Variants in GNG12 observed in about 807,000 individuals in gnomAD.
GNG12 encodes the protein G protein subunit gamma 12.
For missense variants in GNG12, 69 were observed against 83.8 expected, an observed-to-expected ratio of 0.82 and a Z score of 0.69; for synonymous variants, 28 against 29.7, an observed-to-expected ratio of 0.94 and a Z score of 0.19.
intron 1 of GNG12, among the ~76,000 whole-genome samples, chr1:67,807,672 G>A (rs926472430): frequency 2.0e-5 from 3 of 151,562 alleles, no homozygotes; most frequent in Non-Finnish European, 4.4e-5. Flanking sequence ...GGCTAATAAG[G>A]GAATAAATGC....
chr1:67,757,114 C>A (rs932032413), intron 2 of GNG12, among the ~76,000 whole-genome samples: 4 of 152,162 alleles, frequency 2.6e-5, no homozygotes, highest in Non-Finnish European at 5.9e-5. Context: ...AATGAGATAT[C>A]TTGGGGATAA....
At chr1:67,707,785 T>C in intron 2 of GNG12, 73 bp from the exon 3 acceptor site, 4 of 730,112 alleles carry the variant, frequency 5.5e-6, no homozygotes, top group Non-Finnish European at 9.0e-6. Flanking sequence ...TAATATGTTC[T>C]ACTTAAAGGG....
chr1:67,810,792 T>C (rs1394362365), intron 1 of GNG12, among the ~76,000 whole-genome samples: 1 of 152,174 alleles, frequency 6.6e-6, no homozygotes, highest in African/African-American at 2.4e-5. Flanking sequence ...TAACTCCAGT[T>C]CTGTGATGAC....
chr1:67,814,696 A>G (rs551103314), intron 1 of GNG12, among the ~76,000 whole-genome samples: 1 of 152,200 alleles, frequency 6.6e-6, no homozygotes, highest in Non-Finnish European at 1.5e-5. Flanking sequence ...TATCAGGACA[A>G]TCTTCTGTGG....
chr1:67,760,566 C>T (rs990917232), intron 2 of GNG12, among the ~76,000 whole-genome samples: 2 of 152,036 alleles, frequency 1.3e-5, no homozygotes, highest in Non-Finnish European at 1.5e-5. Context: ...GTGTTCAAGG[C>T]AAAGAAACCA....
intron 2 of GNG12, among the ~76,000 whole-genome samples, chr1:67,727,640 G>C (rs975677682): frequency 6.6e-6 from 1 of 152,178 alleles, no homozygotes; most frequent in Non-Finnish European, 1.5e-5. Context: ...GTCCCATGTA[G>C]ATGCTGCCAC....
At chr1:67,712,227 TG>T (rs1646299523) in intron 2 of GNG12, among the ~76,000 whole-genome samples, 1 of 152,232 alleles carries the variant, frequency 6.6e-6, no homozygotes, top group African/African-American at 2.4e-5. Context: ...ATAAAAAGCT[TG>T]CTTTATTCTT....
intron 2 of GNG12, among the ~76,000 whole-genome samples, chr1:67,724,405 A>T (rs1338458934): frequency 6.6e-6 from 1 of 152,194 alleles, no homozygotes; most frequent in Non-Finnish European, 1.5e-5. Context: ...CCATTCGTTC[A>T]TTCGAGACGA....
intron 2 of GNG12, among the ~76,000 whole-genome samples, chr1:67,775,132 CAATT>C (rs1167614144): frequency 6.6e-6 from 1 of 152,198 alleles, no homozygotes; most frequent in Non-Finnish European, 1.5e-5. Context: ...GATCCACAAT[CAATT>C]AATCCATTTT....
At chr1:67,755,462 G>T (rs986217780) in intron 2 of GNG12, among the ~76,000 whole-genome samples, 1 of 152,128 alleles carries the variant, frequency 6.6e-6, no homozygotes, top group Admixed American at 6.5e-5. Flanking sequence ...ATAGATCCTT[G>T]TATCTCCCAG....
intron 1 of GNG12, among the ~76,000 whole-genome samples, chr1:67,829,460 T>A (rs971079118): frequency 6.6e-6 from 1 of 152,242 alleles, no homozygotes; most frequent in East Asian, 1.9e-4. Context: ...GAGCTTTTTT[T>A]AGATTTGGGG....
At chr1:67,825,520 A>G (rs1177959827) in intron 1 of GNG12, among the ~76,000 whole-genome samples, 2 of 152,216 alleles carry the variant, frequency 1.3e-5, no homozygotes, top group African/African-American at 2.4e-5. Context: ...TAAAGGATCA[A>G]CTTAAAAAAG....
At position 67,800,459 on chromosome 1, in the gene GNG12, A is replaced by T. The variant is rs142902597; in HGVS notation, c.-76-22952T>A. Among the ~76,000 whole-genome samples, 828 of 152,310 alleles carry T rather than the reference A, an allele frequency of 5.4e-3. 4 individuals are homozygous for T. The highest frequency in any genetic ancestry group is 0.019 in the African/African-American group (802 of 41,562). On this transcript the variant is annotated intron_variant, in intron 1 of 3. Transcript: ENST00000370982. ...CAAATATCCAAGTCTGAATAATCAG[A>T]GCTTGTCAGACATTCTTTCAAGCAA... is the stretch of plus-strand genomic sequence containing the variant.
intron 2 of GNG12, among the ~76,000 whole-genome samples, chr1:67,725,202 G>A (rs539590100): frequency 3.3e-5 from 5 of 152,108 alleles, no homozygotes; most frequent in African/African-American, 4.8e-5. Context: ...TTGGAGGTAC[G>A]CATGAAAAAG....
chr1:67,789,542 T>C (rs1037481948), intron 1 of GNG12, among the ~76,000 whole-genome samples: 2 of 152,240 alleles, frequency 1.3e-5, no homozygotes, highest in African/African-American at 2.4e-5. Context: ...GATTTTGCTA[T>C]ATGTTGACAA....
chr1:67,762,599 T>C (rs1646612013), intron 2 of GNG12, among the ~76,000 whole-genome samples: 1 of 152,236 alleles, frequency 6.6e-6, no homozygotes, highest in Non-Finnish European at 1.5e-5. Context: ...ATGGCATCCT[T>C]CTACTGGAAT....
chr1:67,741,402 C>T (rs1646482119), intron 2 of GNG12, among the ~76,000 whole-genome samples: 2 of 152,180 alleles, frequency 1.3e-5, no homozygotes, highest in Admixed American at 6.5e-5. Context: ...TACAAAAATG[C>T]ACTGACCCTG....
At chr1:67,784,629 G>T (rs1646757472) in intron 1 of GNG12, among the ~76,000 whole-genome samples, 2 of 151,744 alleles carry the variant, frequency 1.3e-5, no homozygotes, top group South Asian at 4.2e-4. Context: ...ATATTTTTTG[G>T]TTATTCGTAT....
chr1:67,750,486 T>C (rs996190744), intron 2 of GNG12, among the ~76,000 whole-genome samples: 1 of 152,220 alleles, frequency 6.6e-6, no homozygotes, highest in African/African-American at 2.4e-5. Flanking sequence ...CACTCCTTTA[T>C]TTCTTTTGTT....
Sources: allele counts gnomAD v4.1 joint callset (sites outside exome capture counted in the v4.1 genomes callset), GRCh38; gene constraint gnomAD v4.1.1; transcripts MANE v1.5; gene names NCBI Gene and HGNC (gene_info 2026-07-23, HGNC 2026-07-21).